SYT9: variants seen among roughly 807,000 people sequenced by gnomAD.
SYT9 encodes the protein synaptotagmin 9, also known as synaptotagmin-9.
In SYT9, 22 loss-of-function variants were observed where a neutral mutation model predicts 48.4. The observed-to-expected ratio is 0.45, with a 90% confidence interval of 0.32 to 0.65. The LOEUF (loss-of-function observed/expected upper bound fraction) is 0.65. Among genes scored for constraint, SYT9 ranks in the 30% least tolerant of loss-of-function variants. The pLI is 0.03. For missense variants in SYT9, 577 were observed against 622.0 expected (o/e 0.93, Z 0.77); for synonymous variants, 265 against 245.0 (o/e 1.08, Z -0.76).
intron 1 of SYT9, among the ~76,000 whole-genome samples, chr11:7,246,479 A>G (rs1278652472): frequency 6.6e-6 from 1 of 152,212 alleles, no homozygotes; most frequent in Non-Finnish European, 1.5e-5. Context: ...GAAAGGTAAC[A>G]TATTTCAGCT....
At chr11:7,240,764 G>T (rs192330631) in intron 1 of SYT9, among the ~76,000 whole-genome samples, 6 of 152,142 alleles carry the variant, frequency 3.9e-5, no homozygotes, top group Admixed American at 3.9e-4. Context: ...TAGTTTAAAA[G>T]GTATACCTCT....
chr11:7,410,860 T>C (rs985761444), intron 3 of SYT9, among the ~76,000 whole-genome samples: 1 of 152,234 alleles, frequency 6.6e-6, no homozygotes, highest in African/African-American at 2.4e-5. Context: ...TATCTCTTTT[T>C]TTTTTCTTTT....
intron 3 of SYT9, among the ~76,000 whole-genome samples, chr11:7,361,395 G>C (rs1345375834): frequency 6.6e-6 from 1 of 152,132 alleles, no homozygotes; most frequent in East Asian, 1.9e-4. Flanking sequence ...GTAGAACATT[G>C]TCTGAAGAAT....
At chr11:7,415,933 G>A in intron 3 of SYT9, 109 bp from the exon 4 acceptor site, 3 of 1,361,974 alleles carry the variant, frequency 2.2e-6, no homozygotes, top group Admixed American at 1.8e-5. Flanking sequence ...GATTCTACAA[G>A]CTGAGCAAAA....
At chr11:7,315,178 A>C (rs1243794354) in intron 3 of SYT9, among the ~76,000 whole-genome samples, 1 of 152,258 alleles carries the variant, frequency 6.6e-6, no homozygotes, top group Non-Finnish European at 1.5e-5. Context: ...AGAGAATAGC[A>C]GTTGATGAAA....
At chr11:7,442,561 G>A (rs939757991) in intron 6 of SYT9, among the ~76,000 whole-genome samples, 3 of 152,082 alleles carry the variant, frequency 2.0e-5, no homozygotes, top group Non-Finnish European at 4.4e-5. Context: ...CCAGCACTGG[G>A]CACCCACTTC....
At chr11:7,391,928 T>A (rs1846626237) in intron 3 of SYT9, among the ~76,000 whole-genome samples, 1 of 151,358 alleles carries the variant, frequency 6.6e-6, no homozygotes, top group Non-Finnish European at 1.5e-5. Flanking sequence ...AAAATAATAA[T>A]GTCTGTTCAT....
chr11:7,394,547 T>C (rs1255124612), intron 3 of SYT9, among the ~76,000 whole-genome samples: 3 of 152,094 alleles, frequency 2.0e-5, no homozygotes, highest in African/African-American at 7.2e-5. Context: ...ACTGACTTGA[T>C]TGTGCTTGTT....
intron 6 of SYT9, among the ~76,000 whole-genome samples, chr11:7,422,594 T>C (rs892146923): frequency 1.3e-5 from 2 of 152,226 alleles, no homozygotes; most frequent in African/African-American, 4.8e-5. Flanking sequence ...TTATGAGCCA[T>C]TGCTGACTTT....
chr11:7,290,620 G>T (rs1471175212), intron 1 of SYT9, among the ~76,000 whole-genome samples: 2 of 152,138 alleles, frequency 1.3e-5, no homozygotes, highest in African/African-American at 4.8e-5. Flanking sequence ...ATTTTTAGTG[G>T]AGTAAGGAAT....
intron 3 of SYT9, among the ~76,000 whole-genome samples, chr11:7,360,310 G>T (rs1185542796): frequency 2.6e-5 from 4 of 152,242 alleles, no homozygotes; most frequent in South Asian, 2.1e-4. Context: ...TGTTCTTTTG[G>T]CTTAGGATTG....
intron 3 of SYT9, among the ~76,000 whole-genome samples, chr11:7,371,384 T>G (rs1564880230): frequency 6.6e-6 from 1 of 152,100 alleles, no homozygotes; most frequent in Non-Finnish European, 1.5e-5. Flanking sequence ...TAATAAAATT[T>G]TGTAAACTTT....
At chr11:7,389,635 C>T (rs1311719189) in intron 3 of SYT9, among the ~76,000 whole-genome samples, 3 of 151,892 alleles carry the variant, frequency 2.0e-5, no homozygotes, top group Non-Finnish European at 4.4e-5. Flanking sequence ...AGACAAGGTA[C>T]AAAATAAAAA....
At chr11:7,348,687 C>CTTTTTTTTTTT (rs1281329474) in intron 3 of SYT9, among the ~76,000 whole-genome samples, 1 of 46,566 alleles carries the variant, frequency 2.1e-5, no homozygotes, top group African/African-American at 6.6e-5. Context: ...CATCAGACCT[C>CTTTTTTTTTTT]CTTTTTTTTT....
intron 3 of SYT9, among the ~76,000 whole-genome samples, chr11:7,394,346 T>TAATCTAGTC (rs1259773612): frequency 6.6e-6 from 1 of 152,210 alleles, no homozygotes; most frequent in Non-Finnish European, 1.5e-5. Context: ...CACATTTTCT[T>TAATCTAGTC]AATCTAGTCT....
intron 6 of SYT9, among the ~76,000 whole-genome samples, chr11:7,451,419 T>C (rs944983337): frequency 1.3e-5 from 2 of 152,236 alleles, no homozygotes; most frequent in African/African-American, 4.8e-5. Flanking sequence ...TCCCTCGCTA[T>C]CTTAGCTTGA....
At chr11:7,431,016 T>C (rs1564901194) in intron 6 of SYT9, among the ~76,000 whole-genome samples, 1 of 152,150 alleles carries the variant, frequency 6.6e-6, no homozygotes, top group Non-Finnish European at 1.5e-5. Flanking sequence ...AATTGGGTAA[T>C]GGACAAAGGT....
chr11:7,452,636 C>G (rs1848075841), intron 6 of SYT9, among the ~76,000 whole-genome samples: 1 of 152,268 alleles, frequency 6.6e-6, no homozygotes, highest in African/African-American at 2.4e-5. Flanking sequence ...TACCCATACT[C>G]CTTTCAGAGA....
intron 3 of SYT9, among the ~76,000 whole-genome samples, chr11:7,329,039 T>C (rs1849484598): frequency 6.6e-6 from 1 of 152,190 alleles, no homozygotes; most frequent in African/African-American, 2.4e-5. Flanking sequence ...TAAAAATTAT[T>C]GTTTATCTTT....
Sources: allele counts gnomAD v4.1 joint callset (sites outside exome capture counted in the v4.1 genomes callset), GRCh38; gene constraint gnomAD v4.1.1; transcripts MANE v1.5; gene names NCBI Gene and HGNC (gene_info 2026-07-23, HGNC 2026-07-21).